The following CACNG6 variants were observed in gnomAD, a reference collection of about 807,000 sequenced individuals.
The protein encoded by CACNG6 is calcium voltage-gated channel auxiliary subunit gamma 6.
Under a neutral mutation model 23.9 loss-of-function variants are expected in CACNG6, and 21 were observed. The ratio of observed to expected loss-of-function variants is 0.88; its 90% confidence interval spans 0.62 to 1.26. CACNG6 has a LOEUF of 1.26. Among genes scored for constraint, CACNG6 ranks in the 50% most tolerant of loss-of-function variants. The pLI is 0.00. For missense variants in CACNG6, 340 were observed against 352.9 expected, an observed-to-expected ratio of 0.96 and a Z score of 0.29; for synonymous variants, 182 against 168.9, an observed-to-expected ratio of 1.08 and a Z score of -0.60.
In CACNG6 at chr19:54,012,225, C is replaced by A. The variant is rs778401588; in HGVS notation, c.*36C>A. 2 of 938,446 alleles carry A rather than the reference C, an allele frequency of 2.1e-6. No individual in the cohort carries two copies. The highest frequency in any genetic ancestry group is 3.0e-6 in the Non-Finnish European group (2 of 660,586). 58.1% of individuals were successfully genotyped at this position (938,446 alleles called of 1,614,324 possible). A position where few individuals can be genotyped will look rare whatever the true frequency, so the allele number is the denominator to read the frequency against. ...GAGACTTCTCTAAGCAACCACCGAG[C>A]CCTTTGACCTTCTCCATTGTACCCC... On this transcript the variant is annotated 3_prime_UTR_variant, in exon 4 of 4. Coordinates refer to ENST00000252729, the MANE Select transcript of CACNG6 (RefSeq NM_145814.2).
At chr19:53,995,136 C>G (rs1328882199) in intron 1 of CACNG6, among the ~76,000 whole-genome samples, 1 of 152,056 alleles carries the variant, frequency 6.6e-6, no homozygotes, top group Non-Finnish European at 1.5e-5. Context: ...TGCCTCTCTT[C>G]TCAACAACTG....
chr19:53,992,803 C>T lies in CACNG6; in HGVS notation c.-75C>T, dbSNP rs533472911. ...CCTCACCCCCTTCAAGACCCCAGGC[C>T]GCTCCTCGCTCCCGCCCCTCGAGGC... is the stretch of plus-strand genomic sequence containing the variant. On this transcript the variant is annotated 5_prime_UTR_variant, in exon 1 of 4. Coordinates refer to ENST00000252729, the MANE Select transcript of CACNG6 (RefSeq NM_145814.2). The surrounding 1 kb of genome is among the most constrained non-coding windows in gnomAD (Gnocchi z 4.1). The T allele has an allele frequency of 4.9e-5, 52 of 1,051,120 alleles. No homozygotes were observed. In the African/African-American group the frequency reaches 6.8e-4, roughly 14 times the overall value. The allele number at this position is 1,051,120 out of a possible 1,614,324, so 65.1% of individuals were successfully genotyped here. A position where few individuals can be genotyped will look rare whatever the true frequency, so the allele number is the denominator to read the frequency against.
intron 3 of CACNG6, among the ~76,000 whole-genome samples, chr19:54,008,425 G>A (rs1338395772): frequency 2.0e-5 from 3 of 152,164 alleles, no homozygotes; most frequent in Non-Finnish European, 4.4e-5. Flanking sequence ...CAGGGAGGAA[G>A]CAGGGTCAGG....
Position 54,012,245 on chromosome 19 carries a change from T to C in CACNG6, c.*56T>C, listed in dbSNP as rs1033246081. On this transcript the variant is annotated 3_prime_UTR_variant, in exon 4 of 4. Transcript: ENST00000252729. The stretch of plus-strand genomic sequence containing the variant: ...CCGAGCCCTTTGACCTTCTCCATTG[T>C]ACCCCCAAGATCTTTTTGCCCCATC... 24 of 768,714 alleles carry C rather than the reference T, an allele frequency of 3.1e-5. No individual in the cohort carries two copies. Among genetic ancestry groups the C allele is most frequent in the Non-Finnish European group, 4.5e-5 (23 of 515,416 alleles). 47.6% of individuals were successfully genotyped at this position (768,714 alleles called of 1,614,324 possible). A position where few individuals can be genotyped will look rare whatever the true frequency, so the allele number is the denominator to read the frequency against.
At chr19:54,001,027 C>T (rs964633532) in intron 3 of CACNG6, among the ~76,000 whole-genome samples, 4 of 152,062 alleles carry the variant, frequency 2.6e-5, no homozygotes, top group Non-Finnish European at 1.5e-5. Flanking sequence ...CTCACTCTGT[C>T]GCCCAGGCTG....
chr19:53,999,615 T>C lies in CACNG6; in HGVS notation c.407-19T>C. The C allele has an allele frequency of 6.2e-7, 1 of 1,611,716 alleles. No homozygotes were observed. Among genetic ancestry groups the C allele is most frequent in the Non-Finnish European group, 8.5e-7 (1 of 1,179,674 alleles). On this transcript the variant is annotated intron_variant, in intron 2 of 3. Transcript: ENST00000252729. ...CTACATCCCATGTTCTCTGCTTCTT[T>C]CCTCTCTCCTGCTGGCAGAGGTGAA...
chr19:54,011,577 C>T (rs35442657), intron 3 of CACNG6, among the ~76,000 whole-genome samples: 225 of 152,080 alleles, frequency 1.5e-3, no homozygotes, highest in Non-Finnish European at 2.6e-3. Context: ...TTCCAGCGTA[C>T]GGTTCTGTGG....
intron 3 of CACNG6, among the ~76,000 whole-genome samples, chr19:54,011,205 A>AAAAAATAT (rs58054808): frequency 2.0e-4 from 21 of 102,498 alleles, no homozygotes; most frequent in African/African-American, 9.9e-4. Context: ...AAAAAAAAAA[A>AAAAAATAT]ATATATATAT....
intron 3 of CACNG6, among the ~76,000 whole-genome samples, chr19:54,006,982 C>G (rs1342266946): frequency 2.0e-5 from 3 of 151,784 alleles, no homozygotes; most frequent in Admixed American, 6.6e-5. Context: ...ACACCAGTCA[C>G]ATTGGATTAG....
chr19:54,004,336 TGTGTGTGTG>T (rs1224412853), intron 3 of CACNG6, among the ~76,000 whole-genome samples: 1,142 of 29,732 alleles, frequency 0.038, 34 homozygotes, highest in African/African-American at 0.057. Flanking sequence ...TTTGTATTTT[TGTGTGTGTG>T]TGTGTGTGTG....
chr19:54,003,512 C>T (rs2069601918), intron 3 of CACNG6, among the ~76,000 whole-genome samples: 1 of 152,046 alleles, frequency 6.6e-6, no homozygotes, highest in South Asian at 2.1e-4. Flanking sequence ...AGGTGCCTGC[C>T]ACCACACCTG....
chr19:54,005,995 TG>T (rs138044127), intron 3 of CACNG6, among the ~76,000 whole-genome samples: 2,319 of 150,380 alleles, frequency 0.015, 45 homozygotes, highest in Non-Finnish European at 0.024. Context: ...GAGGCTGAGG[TG>T]GGAGGATCAT....
chr19:54,003,925 A>G (rs1329626627), intron 3 of CACNG6, among the ~76,000 whole-genome samples: 13 of 152,002 alleles, frequency 8.6e-5, no homozygotes, highest in Non-Finnish European at 4.4e-5. Flanking sequence ...TGGCACAATC[A>G]CAGCTCACTG....
chr19:53,994,371 C>G (rs1600052972), intron 1 of CACNG6, among the ~76,000 whole-genome samples: 2 of 152,164 alleles, frequency 1.3e-5, no homozygotes, highest in South Asian at 2.1e-4. Context: ...GAGAGACATT[C>G]CCATACTCCC....
intron 1 of CACNG6, among the ~76,000 whole-genome samples, chr19:53,997,017 T>C (rs1294477152): frequency 6.6e-6 from 1 of 151,578 alleles, no homozygotes; most frequent in Non-Finnish European, 1.5e-5. Flanking sequence ...TACAGGTGTG[T>C]GCTGCCACAC....
chr19:54,010,533 G>A (rs1314399362), intron 3 of CACNG6, among the ~76,000 whole-genome samples: 2 of 152,030 alleles, frequency 1.3e-5, no homozygotes, highest in African/African-American at 4.8e-5. Flanking sequence ...AACATAAAAT[G>A]TGTAATTTTA....
Position 54,004,361 on chromosome 19 carries a change from G to T in CACNG6, c.544+4590G>T, listed in dbSNP as rs868179297. Among the ~76,000 whole-genome samples the T allele has an allele frequency of 5.5e-3, 814 of 147,242 alleles. 20 individuals carry two copies. The highest frequency in any genetic ancestry group is 0.019 in the African/African-American group (763 of 39,594). On this transcript the variant is annotated intron_variant, in intron 3 of 3. Coordinates refer to ENST00000252729, the MANE Select transcript of CACNG6 (RefSeq NM_145814.2). ...TGTGTGTGTGTGTGTGTGTGTGTGT[G>T]TGTGTGTGTGTGTGTGTGTGTGTGT...
chr19:53,993,583 A>C (rs2069490419), intron 1 of CACNG6, among the ~76,000 whole-genome samples: 1 of 146,866 alleles, frequency 6.8e-6, no homozygotes, highest in African/African-American at 2.6e-5. Context: ...CTGTACCCCT[A>C]TTCTGCACCT....
intron 1 of CACNG6, among the ~76,000 whole-genome samples, chr19:53,995,463 C>G (rs1032362090): frequency 2.6e-5 from 4 of 152,162 alleles, no homozygotes; most frequent in African/African-American, 9.7e-5. Flanking sequence ...TTACCCTGCA[C>G]TTTTCCAGAT....
Sources: allele counts gnomAD v4.1 joint callset (sites outside exome capture counted in the v4.1 genomes callset), GRCh38; gene constraint gnomAD v4.1.1; non-coding constraint Gnocchi (gnomAD v3.1); transcripts MANE v1.5; gene names NCBI Gene and HGNC (gene_info 2026-07-23, HGNC 2026-07-21).